The following ROBO2 variants were observed in gnomAD, a reference collection of about 807,000 sequenced individuals.
ROBO2 encodes roundabout homolog 2.
In ROBO2, 53 loss-of-function variants were observed where a neutral mutation model predicts 160.8. The observed-to-expected ratio is 0.33, with a 90% CI of 0.26 to 0.41. The LOEUF (loss-of-function observed/expected upper bound fraction) is 0.41, where lower values mean the gene tolerates loss of function less well. Among genes scored for constraint, ROBO2 ranks in the 10% least tolerant of loss-of-function variants. The pLI, the probability that ROBO2 is intolerant of heterozygous loss-of-function variation, is 1.00. For missense variants in ROBO2, 1,577 were observed against 1,722.4 expected (o/e 0.92, Z 1.49); for synonymous variants, 664 against 611.7 (o/e 1.09, Z -1.26).
chr3:76,339,284 T>C (rs1044118688), intron 2 of ROBO2, among the ~76,000 whole-genome samples: 3 of 152,112 alleles, frequency 2.0e-5, no homozygotes, highest in Non-Finnish European at 1.5e-5. Flanking sequence ...TCCTAGGCAA[T>C]AGATTAGATT....
At chr3:76,236,037 T>A (rs1704924059) in intron 2 of ROBO2, among the ~76,000 whole-genome samples, 2 of 152,156 alleles carry the variant, frequency 1.3e-5, no homozygotes, top group Non-Finnish European at 1.5e-5. Flanking sequence ...ATAGTTAATT[T>A]TCTGCCTTAT....
chr3:77,050,780 G>A (rs1316105139), intron 1 of ROBO2, among the ~76,000 whole-genome samples: 1 of 151,276 alleles, frequency 6.6e-6, no homozygotes, highest in Non-Finnish European at 1.5e-5. Flanking sequence ...TTGGGAGACT[G>A]GGAGGATCTC....
At chr3:76,442,995 G>T (rs879614081) in intron 2 of ROBO2, among the ~76,000 whole-genome samples, 4 of 151,962 alleles carry the variant, frequency 2.6e-5, no homozygotes, top group Non-Finnish European at 5.9e-5. Context: ...GGTTTATTTG[G>T]TTCACAGTTT....
chr3:77,643,640 G>GATTC (rs1263957178), intron 24 of ROBO2, among the ~76,000 whole-genome samples: 1 of 152,080 alleles, frequency 6.6e-6, no homozygotes, highest in Non-Finnish European at 1.5e-5. Context: ...CTCATGTCAG[G>GATTC]ATTCATTGAG....
chr3:76,718,575 C>G (rs969310980), intron 2 of ROBO2, among the ~76,000 whole-genome samples: 1 of 152,162 alleles, frequency 6.6e-6, no homozygotes, highest in Non-Finnish European at 1.5e-5. Context: ...AAACTCTTAG[C>G]AACTTAGGCC....
chr3:76,161,472 G>A (rs2072636698), intron 2 of ROBO2, among the ~76,000 whole-genome samples: 1 of 152,096 alleles, frequency 6.6e-6, no homozygotes, highest in South Asian at 2.1e-4. Flanking sequence ...CTGAATGTGA[G>A]CTAAAATATT....
chr3:77,491,710 T>C (rs1027027801), intron 4 of ROBO2, among the ~76,000 whole-genome samples: 1 of 152,214 alleles, frequency 6.6e-6, no homozygotes, highest in African/African-American at 2.4e-5. Context: ...TTAGTTTTTA[T>C]GGATCGTTTG....
At chr3:77,646,823 A>C (rs925989742) in exon 26 of ROBO2, 1 of 152,672 alleles carries the variant, frequency 6.5e-6, no homozygotes, top group East Asian at 1.9e-4. Context: ...AAGATGTAAT[A>C]AATTTGCTTA....
intron 3 of ROBO2, among the ~76,000 whole-genome samples, chr3:77,480,489 C>T (rs966757213): frequency 6.6e-5 from 10 of 152,138 alleles, no homozygotes; most frequent in African/African-American, 2.4e-4. Context: ...TATACTAATA[C>T]ATATTACCAT....
intron 2 of ROBO2, among the ~76,000 whole-genome samples, chr3:77,014,525 T>C (rs2062115972): frequency 6.6e-6 from 1 of 152,204 alleles, no homozygotes; most frequent in South Asian, 2.1e-4. Context: ...ACACTCACTT[T>C]CTAAGATGCA....
At chr3:76,272,120 AT>A (rs1707469619) in intron 2 of ROBO2, among the ~76,000 whole-genome samples, 1 of 152,134 alleles carries the variant, frequency 6.6e-6, no homozygotes, top group Non-Finnish European at 1.5e-5. Context: ...CAAAGTTATT[AT>A]TGCCTGAGGA....
chr3:76,644,212 A>T (rs2090849440), intron 2 of ROBO2, among the ~76,000 whole-genome samples: 2 of 152,188 alleles, frequency 1.3e-5, no homozygotes, highest in South Asian at 4.1e-4. Flanking sequence ...ACATTCCCTT[A>T]GCTTCTGCAG....
chr3:77,288,081 G>A (rs536634037), intron 2 of ROBO2, among the ~76,000 whole-genome samples: 31 of 152,264 alleles, frequency 2.0e-4, no homozygotes, highest in Non-Finnish European at 3.7e-4. Flanking sequence ...GTTTATTGAG[G>A]AACAGGGTAT....
At chr3:76,683,674 G>T (rs1401014209) in intron 2 of ROBO2, among the ~76,000 whole-genome samples, 1 of 151,984 alleles carries the variant, frequency 6.6e-6, no homozygotes, top group African/African-American at 2.4e-5. Context: ...ATATACATTT[G>T]TTAGGCTTGA....
intron 2 of ROBO2, among the ~76,000 whole-genome samples, chr3:77,395,101 G>C (rs970920074): frequency 6.6e-6 from 1 of 152,036 alleles, no homozygotes; most frequent in African/African-American, 2.4e-5. Flanking sequence ...AGTTCAGAGC[G>C]TAATGCAGTA....
intron 2 of ROBO2, among the ~76,000 whole-genome samples, chr3:76,160,040 G>GT (rs1475915500): frequency 2.0e-5 from 3 of 152,236 alleles, no homozygotes; most frequent in African/African-American, 4.8e-5. Context: ...TTTCCAAGGT[G>GT]TTTTTCTGTA....
intron 2 of ROBO2, among the ~76,000 whole-genome samples, chr3:77,372,143 AAAGAGAAGG>A (rs2071849318): frequency 1.3e-5 from 2 of 152,104 alleles, no homozygotes; most frequent in African/African-American, 2.4e-5. Flanking sequence ...GGAGAAAGGG[AAAGAGAAGG>A]AAGGAGGGAG....
At chr3:77,294,209 A>C (rs76774441) in intron 2 of ROBO2, among the ~76,000 whole-genome samples, 1 of 137,990 alleles carries the variant, frequency 7.2e-6, no homozygotes, top group Admixed American at 7.9e-5. Context: ...GACGGCTAAA[A>C]GGGTAAGCTG....
At chr3:77,412,333 C>T (rs1238948697) in intron 2 of ROBO2, among the ~76,000 whole-genome samples, 3 of 152,212 alleles carry the variant, frequency 2.0e-5, no homozygotes, top group South Asian at 4.1e-4. Context: ...ACAGATGGGA[C>T]AGAGCTGCTG....
Sources: allele counts gnomAD v4.1 joint callset (sites outside exome capture counted in the v4.1 genomes callset), GRCh38; gene constraint gnomAD v4.1.1; transcripts MANE v1.5; gene names NCBI Gene and HGNC (gene_info 2026-07-23, HGNC 2026-07-21).